Variants in COL4A5 observed in about 807,000 individuals in gnomAD.
COL4A5 encodes the protein collagen type IV alpha 5 chain, also known as collagen alpha-5(IV) chain.
In COL4A5, 26 loss-of-function variants were observed where a neutral mutation model predicts 130.2. The observed-to-expected ratio is 0.20, with a 90% confidence interval of 0.15 to 0.28. The LOEUF (loss-of-function observed/expected upper bound fraction) is 0.28. COL4A5 is among the 10% of genes least tolerant of loss of function. The probability of loss-of-function intolerance (pLI) is 1.00; values close to 1 mark genes in which losing one functional copy is unlikely to be tolerated. For missense variants in COL4A5, 1,131 were observed against 1,344.3 expected (o/e 0.84, Z 2.48); for synonymous variants, 496 against 439.6 (o/e 1.13, Z -1.60).
chrX:108,455,962 C>A (rs1264836520), intron 1 of COL4A5, among the ~76,000 whole-genome samples: 1 of 111,602 alleles, frequency 9.0e-6, no homozygotes, highest in Non-Finnish European at 1.9e-5. Context: ...GCTATTTATT[C>A]CATATAAATT....
Position 108,440,188 on chromosome X carries a change from G to A in COL4A5, c.63G>A (p.Gly21=), listed in dbSNP as rs759402395. The A allele has an allele frequency of 1.6e-5, 19 of 1,200,438 alleles. No individual in the cohort carries two copies. Among genetic ancestry groups the A allele is most frequent in the Non-Finnish European group, 2.0e-5 (18 of 889,393 alleles). ...GLFLLALSLW[G]QPAEAAACYG... Reference sequence around the variant, plus strand: ...TCTTACTGGCCCTGAGTCTTTGGGGGCAGCCTGCAGAGGCTGCGGTAAGTC... The same window carrying A: ...TCTTACTGGCCCTGAGTCTTTGGGGACAGCCTGCAGAGGCTGCGGTAAGTC... Residue 21 remains glycine, a synonymous_variant, in exon 1 of 53, where the codon GGG becomes GGA. Coordinates refer to ENST00000328300, the MANE Select transcript of COL4A5 (RefSeq NM_033380.3).
chrX:108,604,433 TC>T (rs2066694297), intron 28 of COL4A5, among the ~76,000 whole-genome samples: 2 of 111,916 alleles, frequency 1.8e-5, no homozygotes, highest in South Asian at 3.7e-4. Context: ...TTGAAAGGAA[TC>T]TTTTCTTCTG....
intron 36 of COL4A5, among the ~76,000 whole-genome samples, chrX:108,632,777 A>T (rs1268675426): frequency 1.8e-5 from 2 of 112,199 alleles, no homozygotes; most frequent in Admixed American, 9.4e-5. Context: ...GACAAAATTC[A>T]ACAGCCCTTC....
chrX:108,529,400 A>G lies in COL4A5; in HGVS notation c.82-10346A>G, dbSNP rs766473476. Among the ~76,000 whole-genome samples, 14 of 111,585 alleles carry G rather than the reference A, an allele frequency of 1.3e-4. No individual in the cohort carries two copies. The East Asian group carries it at 3.1e-3, about 25-fold the overall frequency. On this transcript the variant is annotated intron_variant, in intron 1 of 52. Transcript: ENST00000328300. ...ATAAAACTCACAGATAAACCAGTCA[A>G]TCAAAGAAGGAAAAGAAAGGACTGA...
At chrX:108,653,029 T>A (rs1356560158) in intron 36 of COL4A5, among the ~76,000 whole-genome samples, 1 of 112,218 alleles carries the variant, frequency 8.9e-6, no homozygotes, top group Non-Finnish European at 1.9e-5. Context: ...GTAGATTTTC[T>A]GAGCACTGTC....
chrX:108,625,455 A>G (rs2067135439), intron 34 of COL4A5, among the ~76,000 whole-genome samples: 1 of 112,378 alleles, frequency 8.9e-6, no homozygotes, highest in Non-Finnish European at 1.9e-5. Flanking sequence ...TAGGGAAAGA[A>G]ACAAGGTGTT....
chrX:108,476,565 C>T (rs1309029363), intron 1 of COL4A5, among the ~76,000 whole-genome samples: 3 of 101,230 alleles, frequency 3.0e-5, no homozygotes, highest in Non-Finnish European at 6.0e-5. Context: ...ATCCCCACCT[C>T]CTCCCTACCA....
intron 28 of COL4A5, among the ~76,000 whole-genome samples, chrX:108,603,996 C>G (rs1256735525): frequency 1.8e-5 from 2 of 111,978 alleles, no homozygotes; most frequent in Admixed American, 9.5e-5. Context: ...TCTTCATTCT[C>G]TACTTATAAT....
chrX:108,610,492 T>A (rs1208864482), intron 29 of COL4A5, among the ~76,000 whole-genome samples: 2 of 111,962 alleles, frequency 1.8e-5, no homozygotes, highest in Non-Finnish European at 3.8e-5. Context: ...ACACTCAAAG[T>A]TACAAGTTGT....
At chrX:108,663,555 C>T (rs896515006) in intron 37 of COL4A5, among the ~76,000 whole-genome samples, 3 of 110,672 alleles carry the variant, frequency 2.7e-5, no homozygotes, top group Admixed American at 9.7e-5. Flanking sequence ...GGAAGGGGAA[C>T]AACACACACT....
chrX:108,546,657 C>A (rs2065661281), intron 2 of COL4A5, among the ~76,000 whole-genome samples: 1 of 111,153 alleles, frequency 9.0e-6, no homozygotes, highest in African/African-American at 3.3e-5. Flanking sequence ...TGTTGGCCTG[C>A]CTTGCTAGGT....
intron 1 of COL4A5, among the ~76,000 whole-genome samples, chrX:108,454,572 C>A (rs1056888751): frequency 1.8e-5 from 2 of 108,642 alleles, no homozygotes; most frequent in Non-Finnish European, 3.8e-5. Context: ...CCACCATGCC[C>A]AGCCAGCAAT....
chrX:108,569,053 C>CT, intron 6 of COL4A5: 1 of 350,516 alleles, frequency 2.9e-6, no homozygotes. Flanking sequence ...TTACCAAACC[C>CT]TTTTTTGACT....
intron 1 of COL4A5, among the ~76,000 whole-genome samples, chrX:108,494,712 A>G (rs1047714916): frequency 9.0e-6 from 1 of 111,112 alleles, no homozygotes; most frequent in African/African-American, 3.3e-5. Flanking sequence ...AAAATCCTAT[A>G]TGTTTTAAGA....
intron 1 of COL4A5, among the ~76,000 whole-genome samples, chrX:108,531,978 A>G (rs893340170): frequency 9.0e-6 from 1 of 111,599 alleles, no homozygotes; most frequent in African/African-American, 3.3e-5. Flanking sequence ...CCAGGACCAG[A>G]TGGATACACA....
chrX:108,501,969 TTC>T (rs57787653), intron 1 of COL4A5, among the ~76,000 whole-genome samples: 11,377 of 111,883 alleles, frequency 0.1, 1,261 homozygotes, highest in African/African-American at 0.33. Flanking sequence ...ACTTCTGCTT[TTC>T]TTTTTTTCTT....
chrX:108,500,212 A>G (rs923439572), intron 1 of COL4A5, among the ~76,000 whole-genome samples: 7 of 112,206 alleles, frequency 6.2e-5, no homozygotes, highest in Admixed American at 1.9e-4. Flanking sequence ...CGTGGTAATT[A>G]AAATTATAGC....
chrX:108,568,945 A>C (rs1160409528), intron 6 of COL4A5, 124 bp downstream of exon 6: 1 of 564,923 alleles, frequency 1.8e-6, no homozygotes, highest in African/African-American at 2.3e-5. Context: ...GCTATTACAT[A>C]AAGTATGCTC....
chrX:108,646,215 A>G (rs1440801279), intron 36 of COL4A5, among the ~76,000 whole-genome samples: 1 of 111,205 alleles, frequency 9.0e-6, no homozygotes, highest in South Asian at 3.8e-4. Flanking sequence ...AAGTGTTCGT[A>G]TTTCTCCACA....
Sources: allele counts gnomAD v4.1 joint callset (sites outside exome capture counted in the v4.1 genomes callset), GRCh38; gene constraint gnomAD v4.1.1; transcripts MANE v1.5; gene names NCBI Gene and HGNC (gene_info 2026-07-23, HGNC 2026-07-21).